Variants in GRM3 observed in about 807,000 individuals in gnomAD.
GRM3 encodes the protein metabotropic glutamate receptor 3.
A neutral mutation model predicts 70.5 loss-of-function variants in GRM3; 26 were observed. That is an observed-to-expected ratio of 0.37 (90% CI 0.27 to 0.51). The LOEUF is 0.51. GRM3 is among the 20% of genes least tolerant of loss of function. GRM3 has a pLI of 0.93. For synonymous variants in GRM3, 443 were observed against 434.9 expected (o/e 1.02, Z -0.23); for missense variants, 859 against 1,123.8 (o/e 0.76, Z 3.37).
chr7:86,740,146 A>G (rs1023399140), intron 1 of GRM3, among the ~76,000 whole-genome samples: 1 of 152,230 alleles, frequency 6.6e-6, no homozygotes, highest in Non-Finnish European at 1.5e-5. Context: ...TAGGAAGAAC[A>G]GCAAACCAAA....
At chr7:86,651,680 T>C (rs991019297) in intron 1 of GRM3, among the ~76,000 whole-genome samples, 3 of 152,190 alleles carry the variant, frequency 2.0e-5, no homozygotes, top group African/African-American at 7.2e-5. Context: ...CCATACTATA[T>C]TGGTCACTAC....
intron 1 of GRM3, among the ~76,000 whole-genome samples, chr7:86,735,439 CATT>C (rs771036893): frequency 3.3e-5 from 5 of 152,176 alleles, no homozygotes; most frequent in Non-Finnish European, 5.9e-5. Flanking sequence ...TCTAATTCTT[CATT>C]ATTAAGTTTG....
At chr7:86,785,604 T>C (rs1323158132) in intron 2 of GRM3, among the ~76,000 whole-genome samples, 2 of 147,272 alleles carry the variant, frequency 1.4e-5, no homozygotes, top group East Asian at 2.0e-4. Flanking sequence ...AAAAAGAAAG[T>C]AAAGAAAATA....
intron 4 of GRM3, among the ~76,000 whole-genome samples, chr7:86,845,780 C>T (rs1160780669): frequency 1.3e-5 from 2 of 152,110 alleles, no homozygotes; most frequent in African/African-American, 4.8e-5. Context: ...TATGGCTCAA[C>T]CATATGAGGT....
chr7:86,690,921 C>T (rs1356753207), intron 1 of GRM3, among the ~76,000 whole-genome samples: 2 of 151,972 alleles, frequency 1.3e-5, no homozygotes, highest in African/African-American at 2.4e-5. Context: ...TTAAGATTTG[C>T]CTGGTTGTTG....
At chr7:86,750,537 T>G (rs1796205482) in intron 1 of GRM3, among the ~76,000 whole-genome samples, 1 of 151,724 alleles carries the variant, frequency 6.6e-6, no homozygotes, top group African/African-American at 2.4e-5. Flanking sequence ...ACTAAAGAAA[T>G]TGGGCCGTAA....
intron 1 of GRM3, among the ~76,000 whole-genome samples, chr7:86,741,279 T>C (rs564891437): frequency 1.7e-4 from 26 of 152,274 alleles, no homozygotes; most frequent in African/African-American, 5.8e-4. Context: ...GGTATTCCAG[T>C]GGCGGTGGGC....
chr7:86,827,215 C>T (rs1025243962), intron 3 of GRM3, among the ~76,000 whole-genome samples: 5 of 152,112 alleles, frequency 3.3e-5, no homozygotes, highest in Non-Finnish European at 7.4e-5. Flanking sequence ...TTTTTCAGTA[C>T]CTGAAATCCT....
At chr7:86,680,200 G>A (rs1433244422) in intron 1 of GRM3, among the ~76,000 whole-genome samples, 2 of 152,016 alleles carry the variant, frequency 1.3e-5, no homozygotes, top group Admixed American at 6.6e-5. Flanking sequence ...CAAAGCATGA[G>A]GATTACTGAA....
chr7:86,744,272 C>A (rs907900957), intron 1 of GRM3, among the ~76,000 whole-genome samples: 1 of 151,496 alleles, frequency 6.6e-6, no homozygotes, highest in Non-Finnish European at 1.5e-5. Context: ...GTGCAGCAGA[C>A]AGGCAGTGCT....
rs1419810141 is a variant in GRM3, at chr7:86,799,526, A to G, written c.1324+12410A>G. ...CTATTATTTTGAGGTATGTTCCATC[A>G]ATACCTAGTTTTTTTTTTTAGAAGG... On this transcript the variant is annotated intron_variant, in intron 3 of 5. Transcript: ENST00000361669. Among the ~76,000 whole-genome samples the G allele has an allele frequency of 2.0e-5, 3 of 151,870 alleles. No individual in the cohort carries two copies. The East Asian group carries it at 5.8e-4, about 29-fold the overall frequency.
At chr7:86,658,851 TAAAA>T (rs776188702) in intron 1 of GRM3, among the ~76,000 whole-genome samples, 1 of 138,726 alleles carries the variant, frequency 7.2e-6, no homozygotes, top group African/African-American at 2.6e-5. Flanking sequence ...CCTGTTATAC[TAAAA>T]AAAAAAAAAA....
At chr7:86,858,642 T>C (rs1228875112) in intron 5 of GRM3, among the ~76,000 whole-genome samples, 1 of 152,186 alleles carries the variant, frequency 6.6e-6, no homozygotes, top group Non-Finnish European at 1.5e-5. Context: ...ATAAATTACC[T>C]AGTAAGTGAT....
intron 1 of GRM3, 126 bp downstream of exon 1, chr7:86,644,998 C>A: frequency 2.5e-6 from 1 of 402,510 alleles, no homozygotes; most frequent in Non-Finnish European, 4.6e-6. Context: ...TCCCTACAGT[C>A]CTGACTGGAG....
At chr7:86,792,544 A>C (rs1797444751) in intron 3 of GRM3, among the ~76,000 whole-genome samples, 1 of 152,198 alleles carries the variant, frequency 6.6e-6, no homozygotes, top group Admixed American at 6.5e-5. Flanking sequence ...TTGACACAAA[A>C]GAAAATTCAT....
At chr7:86,651,833 C>T (rs1024515) in intron 1 of GRM3, among the ~76,000 whole-genome samples, 14,759 of 152,284 alleles carry the variant, frequency 0.097, 797 homozygotes, top group South Asian at 0.17. Flanking sequence ...AAAAGTCCCA[C>T]TTCCCCCAAC....
At chr7:86,863,394 T>C (rs926849127) in intron 5 of GRM3, among the ~76,000 whole-genome samples, 12 of 152,138 alleles carry the variant, frequency 7.9e-5, no homozygotes, top group African/African-American at 2.7e-4. Flanking sequence ...TAGCACAAAC[T>C]GGGTGTCTTA....
intron 3 of GRM3, among the ~76,000 whole-genome samples, chr7:86,821,180 T>C (rs1474908843): frequency 6.6e-6 from 1 of 151,916 alleles, no homozygotes; most frequent in Non-Finnish European, 1.5e-5. Flanking sequence ...AGGGTTTTTT[T>C]TAACTAGAAA....
intron 1 of GRM3, among the ~76,000 whole-genome samples, chr7:86,685,761 C>G (rs1283364113): frequency 6.6e-6 from 1 of 151,896 alleles, no homozygotes; most frequent in Admixed American, 6.6e-5. Flanking sequence ...AAAAAATTAG[C>G]CGGGCATGGT....
Sources: gnomAD v4.1 joint callset for allele counts (sites outside exome capture counted in the v4.1 genomes callset) on GRCh38, gnomAD v4.1.1 for gene constraint, MANE v1.5 for transcripts, NCBI Gene and HGNC (gene_info 2026-07-23, HGNC 2026-07-21) for gene names.